Variants in MYO1H observed in about 807,000 individuals in gnomAD.
The protein encoded by MYO1H is myosin IH, also known as unconventional myosin-Ih.
In MYO1H, 118 loss-of-function variants were observed where a neutral mutation model predicts 149.3. The observed-to-expected ratio is 0.79, with a 90% CI of 0.68 to 0.92. MYO1H has a LOEUF of 0.92. Ranked by LOEUF, MYO1H falls within the 40% of genes least tolerant of loss-of-function variation. The pLI, the probability that MYO1H is intolerant of heterozygous loss-of-function variation, is 0.00. For synonymous variants in MYO1H, 447 were observed against 465.2 expected, an observed-to-expected ratio of 0.96 and a Z score of 0.50; for missense variants, 1,212 against 1,280.7, an observed-to-expected ratio of 0.95 and a Z score of 0.82.
intron 15 of MYO1H, among the ~76,000 whole-genome samples, chr12:109,418,634 T>C (rs56974183): frequency 0.068 from 10,267 of 152,084 alleles, 387 homozygotes; most frequent in Middle Eastern, 0.12. Flanking sequence ...CTGCAAGCTC[T>C]GCCTCCTGGG....
At chr12:109,420,059 G>A (rs2135571973) in intron 15 of MYO1H, among the ~76,000 whole-genome samples, 1 of 152,268 alleles carries the variant, frequency 6.6e-6, no homozygotes, top group South Asian at 2.1e-4. Context: ...TTTTTTCTCA[G>A]TCGTGGGGAA....
the MYO1H span, among the ~76,000 whole-genome samples, chr12:109,331,371 AT>A: frequency 8.7e-5 from 13 of 149,598 alleles, no homozygotes; most frequent in Admixed American, 8.0e-4. Flanking sequence ...ACAAGCTTGA[AT>A]GCTTTCCAAG....
In MYO1H at chr12:109,401,100, C is replaced by T. The variant is rs772172456; in HGVS notation, c.578C>T (p.Pro193Leu). Reference sequence around the variant, plus strand: ...TTTTGTTCTGTTTTGAAGGGCATTCCCGTAGGTGGGCATATCATCAGTTAC... The same window carrying T: ...TTTTGTTCTGTTTTGAAGGGCATTCTCGTAGGTGGGCATATCATCAGTTAC... Residue 193 changes from proline to leucine, a missense_variant, in exon 6 of 32, where the codon CCC (proline) becomes CTC (leucine). Physicochemically the swap from Pro to Leu is moderately conservative, Grantham distance 98. Coordinates refer to ENST00000310903, the Ensembl canonical transcript of MYO1H. 3 of 1,613,438 alleles carry T rather than the reference C, an allele frequency of 1.9e-6. No individual in the cohort carries two copies. In the South Asian group the frequency reaches 3.3e-5, roughly 18 times the overall value.
intron 14 of MYO1H, among the ~76,000 whole-genome samples, chr12:109,413,666 T>A (rs569177074): frequency 6.6e-6 from 1 of 152,250 alleles, no homozygotes; most frequent in African/African-American, 2.4e-5. Context: ...TCCCAGCACT[T>A]TGAGAGGCCG....
chr12:109,388,822 G>T, exon 2 of MYO1H: 2 of 1,612,226 alleles, frequency 1.2e-6, no homozygotes, highest in Non-Finnish European at 1.7e-6. Flanking sequence ...CTCCGCAAGC[G>T]TTTCAGCGAG....
At chr12:109,393,379 G>A (rs774279509) in exon 3 of MYO1H, 48 of 1,588,360 alleles carry the variant, frequency 3.0e-5, no homozygotes, top group South Asian at 9.2e-5. Context: ...CCAGGAGCTC[G>A]GAATCTACAC....
At position 109,408,025 on chromosome 12, in the gene MYO1H, A is replaced by G. The variant is rs539821398; in HGVS notation, c.1155+112A>G. ...AATGAACTGTGGGCGCCTCATGGGC[A>G]GAGATGGTGTCTTTCCCTATTCACA... On this transcript the variant is annotated intron_variant, in intron 10 of 31. Transcript: ENST00000310903. 19 of 1,333,396 alleles carry G rather than the reference A, an allele frequency of 1.4e-5. No homozygotes were observed. The African/African-American group carries it at 2.6e-4, about 18-fold the overall frequency. 82.6% of individuals were successfully genotyped at this position (1,333,396 alleles called of 1,614,324 possible). A position where few individuals can be genotyped will look rare whatever the true frequency, so the allele number is the denominator to read the frequency against.
At chr12:109,416,659 T>TTA (rs957690023) in intron 15 of MYO1H, among the ~76,000 whole-genome samples, 41 of 152,118 alleles carry the variant, frequency 2.7e-4, no homozygotes, top group African/African-American at 9.9e-4. Context: ...TTCATTTTTC[T>TTA]TATATATATA....
chr12:109,411,123 C>T (rs1162568193), intron 13 of MYO1H, among the ~76,000 whole-genome samples: 1 of 152,054 alleles, frequency 6.6e-6, no homozygotes, highest in Non-Finnish European at 1.5e-5. Context: ...GCCTGGGCGA[C>T]AGAGGGAGAC....
intron 1 of MYO1H, among the ~76,000 whole-genome samples, chr12:109,371,457 A>G (rs1325885567): frequency 6.6e-6 from 1 of 152,024 alleles, no homozygotes; most frequent in African/African-American, 2.4e-5. Flanking sequence ...AGCTAAAGCA[A>G]TCTGCCTGCC....
chr12:109,324,669 A>C, the MYO1H span, among the ~76,000 whole-genome samples: 5 of 152,014 alleles, frequency 3.3e-5, 1 homozygote, highest in South Asian at 1.0e-3. Context: ...TGAGAAAGAA[A>C]GTCTCAGTTC....
At chr12:109,407,967 A>G (rs1455308251) in intron 10 of MYO1H, 54 bp downstream of exon 10, 23 of 1,522,120 alleles carry the variant, frequency 1.5e-5, no homozygotes, top group African/African-American at 5.6e-5. Flanking sequence ...GATGTTTTAT[A>G]ATCATCGTTT....
the MYO1H span, among the ~76,000 whole-genome samples, chr12:109,326,003 T>TA: frequency 6.6e-6 from 1 of 152,218 alleles, no homozygotes; most frequent in African/African-American, 2.4e-5. Context: ...CTTTAAGGCT[T>TA]ACACAAGACC....
chr12:109,409,528 C>T (rs758340885), intron 10 of MYO1H, 29 bp from the exon 11 acceptor site: 2 of 1,599,602 alleles, frequency 1.3e-6, no homozygotes, highest in South Asian at 2.2e-5. Context: ...AAAGACCTAA[C>T]TATGAATGGG....
rs560984865 is a variant in MYO1H, at chr12:109,446,304, G to A, written c.3093+692G>A. The A allele has an allele frequency of 1.9e-5, 19 of 977,546 alleles. No individual in the cohort carries two copies. In the African/African-American group the frequency reaches 3.5e-4, roughly 18 times the overall value. The allele number at this position is 977,546 out of a possible 1,614,324, so 60.6% of individuals were successfully genotyped here. On this transcript the variant is annotated intron_variant, in intron 31 of 31. Coordinates refer to ENST00000310903, the Ensembl canonical transcript of MYO1H. Reference sequence around the variant, plus strand: ...CGCTGGCTGCTAGTACACGGAGCTTGTTTTGATCCAGTTTTGCTGAAAACG... The same window carrying A: ...CGCTGGCTGCTAGTACACGGAGCTTATTTTGATCCAGTTTTGCTGAAAACG...
chr12:109,418,098 G>C (rs942539620), intron 15 of MYO1H, among the ~76,000 whole-genome samples: 2 of 151,876 alleles, frequency 1.3e-5, no homozygotes, highest in African/African-American at 4.8e-5. Context: ...TTACAGGTGT[G>C]AGCCACCGCG....
chr12:109,414,458 CAG>C (rs1870812295), intron 14 of MYO1H, among the ~76,000 whole-genome samples: 1 of 112,958 alleles, frequency 8.9e-6, no homozygotes, highest in African/African-American at 3.6e-5. Context: ...GCCTGGGAGA[CAG>C]AGTGAGACTC....
intron 1 of MYO1H, among the ~76,000 whole-genome samples, chr12:109,385,757 A>G (rs1869291954): frequency 6.6e-6 from 1 of 152,184 alleles, no homozygotes; most frequent in African/African-American, 2.4e-5. Flanking sequence ...TATGCAAAGT[A>G]AACAGAATAG....
chr12:109,409,915 T>A (rs949047709), intron 11 of MYO1H, 48 bp from the exon 12 acceptor site: 3 of 1,095,562 alleles, frequency 2.7e-6, no homozygotes, highest in African/African-American at 3.2e-5. Context: ...TTTAAAAAAA[T>A]TGTTCTCTTC....
Sources: gnomAD v4.1 joint callset for allele counts (sites outside exome capture counted in the v4.1 genomes callset) on GRCh38, gnomAD v4.1.1 for gene constraint, MANE v1.5 for transcripts, NCBI Gene and HGNC (gene_info 2026-07-23, HGNC 2026-07-21) for gene names.